Variants in HERC1 observed in about 807,000 individuals in gnomAD.
HERC1 encodes probable E3 ubiquitin-protein ligase HERC1.
Under a neutral mutation model 554.3 loss-of-function variants are expected in HERC1, and 160 were observed. The ratio of observed to expected loss-of-function variants is 0.29; its 90% CI spans 0.25 to 0.33. HERC1 has a LOEUF of 0.33. Ranked by LOEUF, HERC1 falls within the 10% of genes least tolerant of loss-of-function variation. The pLI is 1.00. For missense variants in HERC1, 4,919 were observed against 5,918.5 expected (o/e 0.83, Z 5.54); for synonymous variants, 2,175 against 2,131.7 (o/e 1.02, Z -0.56).
chr15:63,652,581 C>G (rs777436933), intron 51 of HERC1, 40 bp from the exon 52 acceptor site: 1 of 1,455,532 alleles, frequency 6.9e-7, no homozygotes, highest in South Asian at 1.3e-5. Context: ...ATTTTCTATT[C>G]AAATGATTTT....
chr15:63,702,601 A>G (rs2072779248), intron 25 of HERC1, among the ~76,000 whole-genome samples: 1 of 152,248 alleles, frequency 6.6e-6, no homozygotes, highest in African/African-American at 2.4e-5. Flanking sequence ...TTTAAGTTTT[A>G]TCAAAGTACC....
intron 76 of HERC1, among the ~76,000 whole-genome samples, chr15:63,613,044 C>T (rs920040522): frequency 2.0e-5 from 3 of 151,950 alleles, no homozygotes; most frequent in Non-Finnish European, 2.9e-5. Context: ...TTGTGCTCAT[C>T]GTAAAAAAAA....
rs1379039111 is a variant in HERC1, at chr15:63,692,920, T to C, written c.5675-354A>G. Among the ~76,000 whole-genome samples, 2 of 152,162 alleles carry C rather than the reference T, an allele frequency of 1.3e-5. No individual in the cohort carries two copies. Among genetic ancestry groups the C allele is most frequent in the Admixed American group, 1.3e-4 (2 of 15,274 alleles). ...ATCAGGACAGGCGCAATGGCTCACA[T>C]CTGTAATCCCAGCACTTTGGGAGGT... is the stretch of plus-strand genomic sequence containing the variant. On this transcript the variant is annotated intron_variant, in intron 30 of 77. Transcript: ENST00000443617. The surrounding 1 kb of genome is among the most constrained non-coding windows in gnomAD (Gnocchi z 4.7).
chr15:63,707,280 G>T (rs901384953), intron 24 of HERC1, among the ~76,000 whole-genome samples: 2 of 152,160 alleles, frequency 1.3e-5, no homozygotes, highest in African/African-American at 4.8e-5. Flanking sequence ...AAATCTGATA[G>T]TCTCCGTACT....
chr15:63,723,716 C>A (rs530224172), intron 18 of HERC1, among the ~76,000 whole-genome samples: 10 of 152,250 alleles, frequency 6.6e-5, no homozygotes, highest in African/African-American at 2.4e-4. Context: ...CCAACGCGTT[C>A]AAAATGGAAT....
Position 63,693,519 on chromosome 15 carries a change from C to T in HERC1, c.5674+445G>A, listed in dbSNP as rs141141747. On this transcript the variant is annotated intron_variant, in intron 30 of 77. Transcript: ENST00000443617. ...TTGGCCTCCCAAAGTGTTGGCATTA[C>T]GGTTGTGAGCCACTGCGCCTGGCCT... 3.9e-5 allele frequency among the ~76,000 whole-genome samples: 6 copies of T among 152,214 alleles called. No individual in the cohort carries two copies. The East Asian group carries it at 9.7e-4, about 25-fold the overall frequency.
At chr15:63,757,768 G>C (rs2075478241) in intron 4 of HERC1, among the ~76,000 whole-genome samples, 1 of 152,132 alleles carries the variant, frequency 6.6e-6, no homozygotes, top group Non-Finnish European at 1.5e-5. Flanking sequence ...GGAATGCAGT[G>C]GCATGTTCTC....
intron 47 of HERC1, among the ~76,000 whole-genome samples, chr15:63,659,339 A>G (rs547156212): frequency 6.6e-6 from 1 of 152,070 alleles, no homozygotes; most frequent in East Asian, 1.9e-4. Flanking sequence ...ATAACCTCAA[A>G]CTCCTGGGAT....
At position 63,674,697 on chromosome 15, in the gene HERC1, A is replaced by G. The variant is rs756330502; in HGVS notation, c.7491T>C (p.Asp2497=). The change falls in exon 38 of 78, where the codon GAT becomes GAC. Residue 2497 remains aspartate, a synonymous_variant. Coordinates refer to ENST00000443617, the MANE Select transcript of HERC1 (RefSeq NM_003922.4). ...CTGCTCTGATTTCTGACTGGGCTAC[A>G]TCATGGTTTTTGGACATGTGTTCAT... is the stretch of plus-strand genomic sequence containing the variant. The part of the protein sequence containing the change: ...KNHEHMSKNH[D]VAQSEIRAVQ... The G allele has an allele frequency of 1.9e-6, 3 of 1,613,664 alleles. No homozygotes were observed. The highest frequency in any genetic ancestry group is 2.5e-6 in the Non-Finnish European group (3 of 1,179,796).
At chr15:63,695,383 C>CTT (rs35039072) in intron 27 of HERC1, among the ~76,000 whole-genome samples, 20 of 103,292 alleles carry the variant, frequency 1.9e-4, no homozygotes, top group African/African-American at 4.8e-4. Context: ...TCTGTATAAT[C>CTT]TTTTTTTTTT....
chr15:63,619,147 C>T (rs1032057211), intron 74 of HERC1, among the ~76,000 whole-genome samples: 6 of 152,144 alleles, frequency 3.9e-5, no homozygotes, highest in African/African-American at 1.4e-4. Flanking sequence ...ATAGATAGCT[C>T]TTACTATTTT....
Position 63,628,674 on chromosome 15 carries a change from C to T in HERC1, c.13105+3G>A, listed in dbSNP as rs2068414972. On this transcript the variant is annotated splice_donor_region_variant and intron_variant, in intron 70 of 77. Transcript: ENST00000443617. ...GCAGGAGCATGAATATTTCATTCCT[C>T]ACCTGGTGCTCTTGGTGGGACAGGT... The T allele has an allele frequency of 5.0e-6, 8 of 1,606,600 alleles. No homozygotes were observed. The highest frequency in any genetic ancestry group is 6.8e-6 in the Non-Finnish European group (8 of 1,177,444).
chr15:63,658,843 T>C (rs1229669125), intron 47 of HERC1, 125 bp from the exon 48 acceptor site: 4 of 647,264 alleles, frequency 6.2e-6, no homozygotes, highest in Non-Finnish European at 9.6e-6. Context: ...ATCTGGAACT[T>C]GGTTATACAG....
intron 34 of HERC1, among the ~76,000 whole-genome samples, chr15:63,682,564 A>C (rs1239489676): frequency 6.6e-6 from 1 of 152,186 alleles, no homozygotes; most frequent in East Asian, 1.9e-4. Flanking sequence ...TGAAGCCAGG[A>C]GTTTGAGACT....
chr15:63,787,193 G>A (rs145922289), intron 1 of HERC1, among the ~76,000 whole-genome samples: 158 of 151,568 alleles, frequency 1.0e-3, no homozygotes, highest in African/African-American at 2.6e-3. Context: ...GTCTCACTCC[G>A]TCACCAAGGA....
chr15:63,635,875 T>C (rs1341433320), intron 65 of HERC1, 86 bp downstream of exon 65: 11 of 1,320,248 alleles, frequency 8.3e-6, no homozygotes, highest in South Asian at 1.4e-5. Context: ...ATTTTTACTA[T>C]ATTTTCTGTT....
chr15:63,671,504 G>T (rs1361804283), intron 39 of HERC1, among the ~76,000 whole-genome samples: 2 of 152,160 alleles, frequency 1.3e-5, no homozygotes, highest in East Asian at 3.9e-4. Flanking sequence ...GATATGTGGG[G>T]TCTGAAAATG....
intron 34 of HERC1, among the ~76,000 whole-genome samples, chr15:63,683,159 G>C (rs1004679247): frequency 4.2e-5 from 6 of 143,104 alleles, no homozygotes; most frequent in South Asian, 2.2e-4. Context: ...AAAAAAGAAA[G>C]AAAAAAAATT....
At chr15:63,804,808 A>G (rs1364072018) in intron 1 of HERC1, among the ~76,000 whole-genome samples, 3 of 152,228 alleles carry the variant, frequency 2.0e-5, no homozygotes, top group Admixed American at 2.0e-4. Flanking sequence ...CCAAAGATAC[A>G]TAAACAGCCA....
Sources: allele counts gnomAD v4.1 joint callset (sites outside exome capture counted in the v4.1 genomes callset), GRCh38; gene constraint gnomAD v4.1.1; non-coding constraint Gnocchi (gnomAD v3.1); transcripts MANE v1.5; gene names NCBI Gene and HGNC (gene_info 2026-07-23, HGNC 2026-07-21).